DLGAP2: variants seen among roughly 807,000 people sequenced by gnomAD.
DLGAP2 encodes the protein disks large-associated protein 2.
DLGAP2 carries 26 observed loss-of-function variants against 100.3 expected under a neutral mutation model. That is an observed-to-expected ratio of 0.26 (90% CI 0.19 to 0.36). The LOEUF (loss-of-function observed/expected upper bound fraction) is 0.36, where lower values mean the gene tolerates loss of function less well. Ranked by LOEUF, DLGAP2 falls within the 10% of genes least tolerant of loss-of-function variation. The probability of loss-of-function intolerance (pLI) is 1.00; values close to 1 mark genes in which losing one functional copy is unlikely to be tolerated. For synonymous variants in DLGAP2, 886 were observed against 630.1 expected, an observed-to-expected ratio of 1.41 and a Z score of -6.08; for missense variants, 1,858 against 1,453.2, an observed-to-expected ratio of 1.28 and a Z score of -4.53.
intron 1 of DLGAP2, among the ~76,000 whole-genome samples, chr8:821,428 G>T (rs1796580793): frequency 6.6e-6 from 1 of 152,114 alleles, no homozygotes; most frequent in African/African-American, 2.4e-5. Context: ...AAACACAAGT[G>T]TTCGTACTTC....
intron 2 of DLGAP2, among the ~76,000 whole-genome samples, chr8:1,251,759 G>C (rs1018412470): frequency 2.0e-5 from 3 of 152,202 alleles, no homozygotes. Flanking sequence ...GTACAGTCAC[G>C]TTGTCATCTT....
At chr8:1,077,384 C>G (rs1237442739) in intron 2 of DLGAP2, among the ~76,000 whole-genome samples, 1 of 152,180 alleles carries the variant, frequency 6.6e-6, no homozygotes, top group Non-Finnish European at 1.5e-5. Context: ...ACACGGCAGT[C>G]CCATCATATC....
At chr8:1,330,661 G>A (rs1490711024) in intron 3 of DLGAP2, among the ~76,000 whole-genome samples, 3 of 147,724 alleles carry the variant, frequency 2.0e-5, no homozygotes, top group African/African-American at 7.6e-5. Flanking sequence ...ACTGAGTTCT[G>A]GGTGGGAGCA....
intron 1 of DLGAP2, among the ~76,000 whole-genome samples, chr8:809,813 TTC>T (rs1298352228): frequency 2.6e-5 from 4 of 152,152 alleles, no homozygotes; most frequent in Non-Finnish European, 4.4e-5. Flanking sequence ...GTGATGAGTT[TTC>T]TCTGTTTCTT....
Position 1,467,937 on chromosome 8 carries a change from G to A in DLGAP2, c.107-33429G>A, listed in dbSNP as rs115143243. 5.5e-3 allele frequency among the ~76,000 whole-genome samples: 835 copies of A among 152,318 alleles called. 8 individuals carry two copies. Among genetic ancestry groups the A allele is most frequent in the African/African-American group, 0.019 (798 of 41,574 alleles). ...TCACTAAACATAAATAAATAAATAC[G>A]TTCTGAGGCTACACATTTTTGAAAA... On this transcript the variant is annotated intron_variant, in intron 3 of 14. Transcript: ENST00000637795.
chr8:1,311,666 C>T (rs1585247456), intron 3 of DLGAP2, among the ~76,000 whole-genome samples: 1 of 150,828 alleles, frequency 6.6e-6, no homozygotes, highest in African/African-American at 2.4e-5. Flanking sequence ...AGTTGACACA[C>T]GAAAGGTGTC....
intron 2 of DLGAP2, chr8:1,032,647 G>C (rs548036552): frequency 2.6e-5 from 4 of 152,302 alleles, no homozygotes; most frequent in African/African-American, 9.6e-5. Context: ...AGTGGACAAG[G>C]AGGAAATATT....
chr8:1,216,451 A>C (rs1257356422), intron 2 of DLGAP2, among the ~76,000 whole-genome samples: 1 of 151,424 alleles, frequency 6.6e-6, no homozygotes, highest in African/African-American at 2.4e-5. Context: ...TGGGCTCAGG[A>C]GATCCTCCCT....
intron 3 of DLGAP2, among the ~76,000 whole-genome samples, chr8:1,451,158 C>G (rs183575998): frequency 1.3e-5 from 2 of 152,098 alleles, no homozygotes; most frequent in African/African-American, 4.8e-5. Context: ...CAGCATGTTC[C>G]GCCGCTGCCA....
chr8:1,126,107 T>C (rs901928266), intron 2 of DLGAP2, among the ~76,000 whole-genome samples: 23 of 152,346 alleles, frequency 1.5e-4, no homozygotes, highest in Non-Finnish European at 2.5e-4. Context: ...TCCCAGTGTC[T>C]GATGGCCCCT....
intron 4 of DLGAP2, among the ~76,000 whole-genome samples, chr8:1,520,588 A>G (rs1376784503): frequency 4.6e-5 from 7 of 151,818 alleles, no homozygotes; most frequent in Admixed American, 3.3e-4. Flanking sequence ...CCCCCTATTC[A>G]TCCCTCCCTG....
At chr8:1,699,194 C>A (rs553630946) in intron 14 of DLGAP2, among the ~76,000 whole-genome samples, 1 of 152,154 alleles carries the variant, frequency 6.6e-6, no homozygotes, top group Non-Finnish European at 1.5e-5. Context: ...ACCCAAGCTG[C>A]GCATAGAGTA....
chr8:953,534 G>A (rs1799530596), intron 2 of DLGAP2, among the ~76,000 whole-genome samples: 1 of 152,186 alleles, frequency 6.6e-6, no homozygotes, highest in Non-Finnish European at 1.5e-5. Context: ...GCTTAAATTT[G>A]ATCACTGATA....
intron 3 of DLGAP2, among the ~76,000 whole-genome samples, chr8:1,431,861 CCGGCACCCAGCACCCCA>C (rs1797455558): frequency 6.6e-6 from 1 of 152,180 alleles, no homozygotes. Context: ...GAGAACCCTG[CCGGCACCCAGCACCCCA>C]TGCCAGCCAG....
At chr8:935,202 G>A (rs377152768) in intron 2 of DLGAP2, among the ~76,000 whole-genome samples, 21 of 152,296 alleles carry the variant, frequency 1.4e-4, no homozygotes, top group African/African-American at 4.3e-4. Flanking sequence ...CCATGGGGGC[G>A]TCTCTCTTCC....
intron 2 of DLGAP2, among the ~76,000 whole-genome samples, chr8:959,273 A>G (rs1270069932): frequency 6.6e-6 from 1 of 152,132 alleles, no homozygotes; most frequent in Non-Finnish European, 1.5e-5. Context: ...TGTGGCTCTA[A>G]TGTTTTGGGG....
intron 2 of DLGAP2, among the ~76,000 whole-genome samples, chr8:1,097,029 G>T (rs1370200244): frequency 6.9e-6 from 1 of 145,720 alleles, no homozygotes; most frequent in African/African-American, 2.6e-5. Flanking sequence ...TGGGAGCCCG[G>T]GGCAGGCCTT....
intron 10 of DLGAP2, among the ~76,000 whole-genome samples, chr8:1,674,226 G>C (rs1191304169): frequency 6.6e-6 from 1 of 151,938 alleles, no homozygotes; most frequent in East Asian, 1.9e-4. Context: ...TTCTTTTTTT[G>C]TAGAGATGGG....
chr8:964,181 A>C (rs966701236), intron 2 of DLGAP2, among the ~76,000 whole-genome samples: 1 of 152,096 alleles, frequency 6.6e-6, no homozygotes, highest in Admixed American at 6.5e-5. Flanking sequence ...TTAAACCCCA[A>C]ATTTTTGAAC....
Sources: allele counts gnomAD v4.1 joint callset (sites outside exome capture counted in the v4.1 genomes callset), GRCh38; gene constraint gnomAD v4.1.1; transcripts MANE v1.5; gene names NCBI Gene and HGNC (gene_info 2026-07-23, HGNC 2026-07-21).